LMNB2: variants seen among roughly 807,000 people sequenced by gnomAD.
The protein encoded by LMNB2 is lamin-B2.
A neutral mutation model predicts 69.3 loss-of-function variants in LMNB2; 17 were observed. The observed-to-expected ratio is 0.25, with a 90% CI of 0.17 to 0.37. The LOEUF (loss-of-function observed/expected upper bound fraction) is 0.37, where lower values mean the gene tolerates loss of function less well. LMNB2 is among the 10% of genes least tolerant of loss of function. The probability of loss-of-function intolerance (pLI) is 1.00; values close to 1 mark genes in which losing one functional copy is unlikely to be tolerated. For synonymous variants in LMNB2, 397 were observed against 389.3 expected (o/e 1.02, Z -0.23); for missense variants, 789 against 883.6 (o/e 0.89, Z 1.36).
chr19:2,446,629 C>G (rs759940795), intron 1 of LMNB2, among the ~76,000 whole-genome samples: 5 of 152,202 alleles, frequency 3.3e-5, no homozygotes, highest in Non-Finnish European at 7.3e-5. Context: ...TTCGCACCAG[C>G]CAGGGCGTCC....
At chr19:2,435,701 G>A (rs1568202901) in intron 4 of LMNB2, among the ~76,000 whole-genome samples, 1 of 152,148 alleles carries the variant, frequency 6.6e-6, no homozygotes, top group African/African-American at 2.4e-5. Flanking sequence ...GCGGGCACCT[G>A]TGGTCCCAGC....
intron 1 of LMNB2, among the ~76,000 whole-genome samples, chr19:2,445,095 G>A (rs77774216): frequency 0.014 from 2,148 of 152,220 alleles, 45 homozygotes; most frequent in African/African-American, 0.049. Flanking sequence ...ACACTGGGCT[G>A]ATCACTCTCG....
chr19:2,440,101 A>G (rs991432852), intron 2 of LMNB2, among the ~76,000 whole-genome samples: 3 of 148,250 alleles, frequency 2.0e-5, no homozygotes, highest in African/African-American at 7.3e-5. Flanking sequence ...GCTGAAAGTG[A>G]CCGTATGTCT....
chr19:2,430,588 G>A lies in LMNB2; in HGVS notation c.*323C>T, dbSNP rs1218998381. 6.7e-6 allele frequency: 3 copies of A among 446,036 alleles called. No homozygotes were observed. Among genetic ancestry groups the A allele is most frequent in the East Asian group, 4.6e-5 (1 of 21,638 alleles). 27.6% of individuals were successfully genotyped at this position (446,036 alleles called of 1,614,324 possible). A position where few individuals can be genotyped will look rare whatever the true frequency, so the allele number is the denominator to read the frequency against. ...CAGCAGGGCCGTCTCCTGTCCCCTC[G>A]CTAGCCTCGCCGGCCCTCCTCCCTC... On this transcript the variant is annotated 3_prime_UTR_variant, in exon 12 of 12. Coordinates refer to ENST00000325327, the MANE Select transcript of LMNB2 (RefSeq NM_032737.4).
intron 1 of LMNB2, among the ~76,000 whole-genome samples, chr19:2,448,273 C>T (rs565984245): frequency 5.9e-5 from 9 of 152,290 alleles, no homozygotes; most frequent in African/African-American, 2.2e-4. Flanking sequence ...TCCCTCAAAG[C>T]TCCCAAATAC....
intron 1 of LMNB2, among the ~76,000 whole-genome samples, chr19:2,455,410 T>TG (rs939698405): frequency 2.1e-4 from 32 of 151,164 alleles, no homozygotes; most frequent in Middle Eastern, 3.4e-3. Flanking sequence ...CCCCCTCAGT[T>TG]GGGGGGGGTC....
intron 7 of LMNB2, 40 bp downstream of exon 7, chr19:2,434,255 C>T (rs1300730258): frequency 1.2e-6 from 2 of 1,606,152 alleles, no homozygotes; most frequent in East Asian, 4.5e-5. Flanking sequence ...CCTGCCCCTC[C>T]TCCTCACTCT....
chr19:2,434,641 G>A (rs376386425), intron 6 of LMNB2, 126 bp from the exon 7 acceptor site: 40 of 1,492,112 alleles, frequency 2.7e-5, no homozygotes, highest in African/African-American at 9.7e-5. Flanking sequence ...GGCATGGGGC[G>A]CACGGGAGGG....
intron 1 of LMNB2, among the ~76,000 whole-genome samples, chr19:2,450,069 C>T (rs960374097): frequency 4.3e-5 from 6 of 138,730 alleles, no homozygotes; most frequent in African/African-American, 1.4e-4. Context: ...AGTGAAACTC[C>T]GTCTCAAAAA....
At chr19:2,435,261 C>T in intron 4 of LMNB2, 90 bp from the exon 5 acceptor site, 12 of 1,535,480 alleles carry the variant, frequency 7.8e-6, no homozygotes, top group South Asian at 2.3e-5. Flanking sequence ...CAAGAGGAAC[C>T]TCCAGGCAAT....
intron 1 of LMNB2, among the ~76,000 whole-genome samples, chr19:2,456,450 G>C (rs868147231): frequency 6.8e-6 from 1 of 147,926 alleles, no homozygotes; most frequent in African/African-American, 2.5e-5. Flanking sequence ...GCCCGTCCCT[G>C]TCTGCACCCA....
At chr19:2,452,557 C>G (rs1972035708) in intron 1 of LMNB2, among the ~76,000 whole-genome samples, 1 of 151,892 alleles carries the variant, frequency 6.6e-6, no homozygotes, top group Non-Finnish European at 1.5e-5. Flanking sequence ...GAAATCCCAT[C>G]TCTACTAAAA....
rs1972095733 is a variant in LMNB2 at position 2,456,753 on chromosome 19, T to G, written c.181A>C (p.Ile61Leu). ...AGCTCCAGCGCGCGGACGCGGTCGA[T>G]GTAGTGCGCCAGGCGGTCGTTGAGC... ...RELNDRLAHY[I>L]DRVRALELEN... is the part of the protein sequence containing the mutation. The change falls in exon 1 of 12, where the codon ATC becomes CTC. Residue 61 changes from isoleucine to leucine, a missense_variant. Ile to Leu is a conservative substitution (Grantham distance 5). This residue lies in a region of LMNB2 where 145 missense variants were observed against 228.9 expected (regional missense o/e 0.63). Transcript: ENST00000325327. The G allele has an allele frequency of 6.4e-7, 1 of 1,559,450 alleles. No homozygotes were observed. The highest frequency in any genetic ancestry group is 1.2e-5 in the South Asian group (1 of 86,316).
chr19:2,436,619 G>A (rs1296153520), intron 4 of LMNB2, among the ~76,000 whole-genome samples: 5 of 61,868 alleles, frequency 8.1e-5, no homozygotes, highest in Admixed American at 1.9e-4. Context: ...CTGCACTGCC[G>A]CCCTCCCACC....
chr19:2,450,091 AATACAT>A (rs147019959), intron 1 of LMNB2, among the ~76,000 whole-genome samples: 1 of 147,744 alleles, frequency 6.8e-6, no homozygotes, highest in Non-Finnish European at 1.5e-5. Flanking sequence ...AAGAAAATAA[AATACAT>A]ATACATATAC....
rs1227759002 is a variant in LMNB2, at chr19:2,438,291, G to A, written c.559-3C>T. The A allele has an allele frequency of 1.2e-6, 2 of 1,613,966 alleles. No homozygotes were observed. Among genetic ancestry groups the A allele is most frequent in the Non-Finnish European group, 1.7e-6 (2 of 1,180,046 alleles). ...GCCACTGCATGACCGTCCTCGGCCTGGGAGACACAGGACAGCGAGCTGGTG... is the reference window on the plus strand; with the variant it reads ...GCCACTGCATGACCGTCCTCGGCCTAGGAGACACAGGACAGCGAGCTGGTG... On this transcript the variant is annotated splice_region_variant and splice_polypyrimidine_tract_variant and intron_variant, in intron 3 of 11. Transcript: ENST00000325327.
At chr19:2,435,509 C>G (rs1056804181) in intron 4 of LMNB2, among the ~76,000 whole-genome samples, 10 of 152,146 alleles carry the variant, frequency 6.6e-5, no homozygotes, top group African/African-American at 2.4e-4. Flanking sequence ...ACAGGCCCAT[C>G]CACAGAGACA....
intron 2 of LMNB2, among the ~76,000 whole-genome samples, chr19:2,439,383 G>T (rs1971867640): frequency 6.6e-6 from 1 of 151,556 alleles, no homozygotes; most frequent in African/African-American, 2.4e-5. Context: ...ATTTGGGGTG[G>T]TCGAGTGAGG....
rs397945879 is a variant in LMNB2 at position 2,439,035 on chromosome 19, CTTTTTTTTTTTT to C, written c.402-516_402-505del. On this transcript the variant is annotated intron_variant, in intron 2 of 11. Transcript: ENST00000325327. ...CCAGTGTGGATTGTAGGCACTTAAG[CTTTTTTTTTTTT>C]TTTTTTTTTTTTTTTTTTAAGAGAC... Among the ~76,000 whole-genome samples, 327 of 65,726 alleles carry C rather than the reference CTTTTTTTTTTTT, an allele frequency of 5.0e-3. 7 individuals are homozygous for C. Among genetic ancestry groups the C allele is most frequent in the African/African-American group, 0.018 (279 of 15,434 alleles). The allele number at this position is 65,726 out of a possible 152,430, so 43.1% of individuals were successfully genotyped here.
Sources: gnomAD v4.1 joint callset for allele counts (sites outside exome capture counted in the v4.1 genomes callset) on GRCh38, gnomAD v4.1.1 for gene constraint, gnomAD v4.1.1 regional missense constraint, MANE v1.5 for transcripts, NCBI Gene and HGNC (gene_info 2026-07-23, HGNC 2026-07-21) for gene names.